Variants in FRMPD4 observed in about 807,000 individuals in gnomAD.
The protein encoded by FRMPD4 is FERM and PDZ domain containing 4, also known as FERM and PDZ domain-containing protein 4.
A neutral mutation model predicts 94.1 loss-of-function variants in FRMPD4; 22 were observed. The observed-to-expected ratio is 0.23, with a 90% confidence interval of 0.17 to 0.33. The LOEUF is 0.33. Ranked by LOEUF, FRMPD4 falls within the 10% of genes least tolerant of loss-of-function variation. FRMPD4 has a pLI of 1.00. For missense variants in FRMPD4, 1,111 were observed against 1,339.9 expected (o/e 0.83, Z 2.67); for synonymous variants, 631 against 548.6 (o/e 1.15, Z -2.10).
At position 12,476,650 on chromosome X, in the gene FRMPD4, C is replaced by T. The variant is rs778485165; in HGVS notation, c.42-22030C>T. Among the ~76,000 whole-genome samples, 9 of 111,941 alleles carry T rather than the reference C, an allele frequency of 8.0e-5. No individual in the cohort carries two copies. The East Asian group carries it at 1.7e-3, about 21-fold the overall frequency. On this transcript the variant is annotated intron_variant, in intron 1 of 16. Coordinates refer to ENST00000675598, the MANE Select transcript of FRMPD4 (RefSeq NM_001368397.1). ...ACAAACAACCCCATCAAGAAGTGGA[C>T]GATAGATATGAACAGACACTTCTCA...
At chrX:12,226,081 T>C (rs1344070267) in intron 1 of FRMPD4, among the ~76,000 whole-genome samples, 1 of 111,767 alleles carries the variant, frequency 8.9e-6, no homozygotes, top group East Asian at 2.8e-4. Flanking sequence ...TTTCTTTGTT[T>C]CTGTTTTTGC....
chrX:12,022,909 C>T (rs759154100), intron 3 of FRMPD4, among the ~76,000 whole-genome samples: 3 of 111,179 alleles, frequency 2.7e-5, no homozygotes, highest in South Asian at 3.9e-4. Flanking sequence ...CTGCCACTAT[C>T]GATGTGACTT....
intron 1 of FRMPD4, among the ~76,000 whole-genome samples, chrX:12,263,525 T>C (rs2147830952): frequency 9.0e-6 from 1 of 111,686 alleles, no homozygotes; most frequent in African/African-American, 3.2e-5. Flanking sequence ...TGAGCTAATG[T>C]CTCTTACTAA....
At chrX:12,454,625 C>T (rs1412038590) in intron 1 of FRMPD4, among the ~76,000 whole-genome samples, 8 of 109,014 alleles carry the variant, frequency 7.3e-5, no homozygotes, top group Non-Finnish European at 1.3e-4. Context: ...AGCAAGCCCA[C>T]GTGAGGAGTT....
At chrX:12,097,447 T>C (rs984410460) in intron 3 of FRMPD4, among the ~76,000 whole-genome samples, 22 of 112,518 alleles carry the variant, frequency 2.0e-4, no homozygotes, top group African/African-American at 6.8e-4. Flanking sequence ...TCATTTAAAA[T>C]GAACAATTCA....
intron 3 of FRMPD4, among the ~76,000 whole-genome samples, chrX:12,028,821 C>A (rs2054675842): frequency 9.0e-6 from 1 of 111,712 alleles, no homozygotes; most frequent in African/African-American, 3.3e-5. Flanking sequence ...TAGCCCACTG[C>A]TTTTTAGTGA....
At chrX:12,072,620 G>A (rs746485452) in intron 3 of FRMPD4, among the ~76,000 whole-genome samples, 1 of 111,723 alleles carries the variant, frequency 9.0e-6, no homozygotes, top group Non-Finnish European at 1.9e-5. Flanking sequence ...TGCAGAAAAG[G>A]TGGCAGTCAG....
intron 1 of FRMPD4, among the ~76,000 whole-genome samples, chrX:12,384,888 A>C (rs62588621): frequency 0.082 from 9,167 of 112,036 alleles, 410 homozygotes; most frequent in Non-Finnish European, 0.13. Context: ...TTAATTAGGA[A>C]ATAATTTATT....
chrX:12,636,964 G>A (rs1051829096), intron 4 of FRMPD4, among the ~76,000 whole-genome samples: 2 of 111,799 alleles, frequency 1.8e-5, no homozygotes, highest in African/African-American at 6.5e-5. Flanking sequence ...TATGTTTGTT[G>A]CTCCAAATCT....
At chrX:12,563,265 C>CACACAG (rs1354943368) in intron 2 of FRMPD4, among the ~76,000 whole-genome samples, 1 of 110,845 alleles carries the variant, frequency 9.0e-6, no homozygotes, top group Non-Finnish European at 1.9e-5. Flanking sequence ...CACACACACA[C>CACACAG]ACACACACAT....
At chrX:12,319,560 A>G (rs1294125683) in intron 1 of FRMPD4, among the ~76,000 whole-genome samples, 4 of 111,796 alleles carry the variant, frequency 3.6e-5, no homozygotes, top group Non-Finnish European at 7.5e-5. Context: ...GCCCCCAAGT[A>G]GCATCGCGAG....
intron 1 of FRMPD4, among the ~76,000 whole-genome samples, chrX:12,274,262 C>A (rs2054398655): frequency 9.0e-6 from 1 of 111,145 alleles, no homozygotes; most frequent in Non-Finnish European, 1.9e-5. Flanking sequence ...TTACAAGAAA[C>A]CCTCTTAGGG....
chrX:12,456,245 ATC>A (rs1200777842), intron 1 of FRMPD4, among the ~76,000 whole-genome samples: 2 of 111,243 alleles, frequency 1.8e-5, no homozygotes, highest in Non-Finnish European at 3.8e-5. Context: ...TTCTTTCTCC[ATC>A]TCTTTCTCTC....
intron 1 of FRMPD4, among the ~76,000 whole-genome samples, chrX:11,839,275 T>C (rs1348176021): frequency 8.9e-6 from 1 of 112,159 alleles, no homozygotes; most frequent in South Asian, 3.6e-4. Flanking sequence ...TTATTGTTTC[T>C]TTTTTACTGT....
At chrX:12,434,138 T>A (rs775679799) in intron 1 of FRMPD4, among the ~76,000 whole-genome samples, 1 of 111,865 alleles carries the variant, frequency 8.9e-6, no homozygotes, top group Non-Finnish European at 1.9e-5. Flanking sequence ...TTTTCACACA[T>A]GGTTGTGTTC....
intron 3 of FRMPD4, among the ~76,000 whole-genome samples, chrX:11,913,162 C>T (rs766738701): frequency 8.9e-6 from 1 of 112,253 alleles, no homozygotes. Flanking sequence ...AGCCAGATAA[C>T]ATGCACATTC....
At chrX:12,678,845 C>T (rs1050618516) in intron 5 of FRMPD4, among the ~76,000 whole-genome samples, 3 of 112,211 alleles carry the variant, frequency 2.7e-5, no homozygotes, top group Non-Finnish European at 5.6e-5. Context: ...AAAAGAGTTT[C>T]TACAACTTCC....
At chrX:12,519,534 G>A (rs1410524257) in intron 2 of FRMPD4, among the ~76,000 whole-genome samples, 2 of 111,720 alleles carry the variant, frequency 1.8e-5, no homozygotes, top group Non-Finnish European at 3.8e-5. Context: ...AGGCAACAGA[G>A]GAAAAAATAG....
chrX:12,533,970 T>C (rs2058312487), intron 2 of FRMPD4, among the ~76,000 whole-genome samples: 1 of 112,815 alleles, frequency 8.9e-6, no homozygotes, highest in Non-Finnish European at 1.9e-5. Flanking sequence ...GGAAAATGTC[T>C]CCAGGGCATG....
Sources: gnomAD v4.1 joint callset for allele counts (sites outside exome capture counted in the v4.1 genomes callset) on GRCh38, gnomAD v4.1.1 for gene constraint, MANE v1.5 for transcripts, NCBI Gene and HGNC (gene_info 2026-07-23, HGNC 2026-07-21) for gene names.